The following DISP3 variants were observed in gnomAD, a reference collection of about 807,000 sequenced individuals.
DISP3 encodes protein dispatched homolog 3.
In DISP3, 101 loss-of-function variants were observed where a neutral mutation model predicts 135.3. That is an observed-to-expected ratio of 0.75 (90% CI 0.64 to 0.88). The LOEUF (loss-of-function observed/expected upper bound fraction) is 0.88, where lower values mean the gene tolerates loss of function less well. Ranked by LOEUF, DISP3 falls within the 40% of genes least tolerant of loss-of-function variation. The probability of loss-of-function intolerance (pLI) is 0.00; values close to 1 mark genes in which losing one functional copy is unlikely to be tolerated. For missense variants in DISP3, 1,713 were observed against 1,878.6 expected (o/e 0.91, Z 1.63); for synonymous variants, 856 against 817.0 (o/e 1.05, Z -0.81).
Position 11,501,755 on chromosome 1 carries a change from C to G in DISP3, c.763C>G (p.Arg255Gly). ...GAGCCGTGCCCGCCGAGGCGCCTCG[C>G]GCTGGGACTACTCGCGCGCCTATGT... ...NQSRARRGAS[R>G]WDYSRAYVSA... The change falls in exon 2 of 21, where the codon CGC becomes GGC. Residue 255 changes from arginine to glycine, a missense_variant. By Grantham distance (125) the Arg-to-Gly change is moderately radical (BLOSUM62 -2). Transcript: ENST00000294484. This position sits in a 1 kb window ranked among gnomAD's most constrained non-coding sequence, Gnocchi z 4.9. The G allele has an allele frequency of 1.9e-6, 3 of 1,591,834 alleles. No individual in the cohort carries two copies. Among genetic ancestry groups the G allele is most frequent in the Non-Finnish European group, 2.6e-6 (3 of 1,167,208 alleles).
At chr1:11,484,363 T>G (rs1393122391) in intron 1 of DISP3, among the ~76,000 whole-genome samples, 1 of 152,186 alleles carries the variant, frequency 6.6e-6, no homozygotes, top group Admixed American at 6.5e-5. Context: ...GGTTTGGAAC[T>G]AATGCCAAGG....
Position 11,529,736 on chromosome 1 carries a change from C to A in DISP3, c.2929+50C>A. On this transcript the variant is annotated intron_variant, in intron 14 of 20. Transcript: ENST00000294484. This position sits in a 1 kb window ranked among gnomAD's most constrained non-coding sequence, Gnocchi z 4.7. The stretch of plus-strand genomic sequence containing the variant: ...GACCTCAAGAGCTGAGACCTCGGGG[C>A]TCAGGAGCTGGACCCTGCCTTCCCT... 1 of 1,600,588 alleles carries A rather than the reference C, an allele frequency of 6.2e-7. No individual in the cohort carries two copies. The highest frequency in any genetic ancestry group is 8.5e-7 in the Non-Finnish European group (1 of 1,170,000).
rs1239707523 is a variant in DISP3 at position 11,516,556 on chromosome 1, T to A, written c.1749+395T>A. The stretch of plus-strand genomic sequence containing the variant: ...GACTTCCTCAGGATCACACAGCAGA[T>A]AAGTGAGAAGCCTGACCAAGTCCAT... On this transcript the variant is annotated intron_variant, in intron 6 of 20. Transcript: ENST00000294484. This position sits in a 1 kb window ranked among gnomAD's most constrained non-coding sequence, Gnocchi z 5.1. Among the ~76,000 whole-genome samples the A allele has an allele frequency of 1.3e-5, 2 of 152,194 alleles. No individual in the cohort carries two copies. Among genetic ancestry groups the A allele is most frequent in the Non-Finnish European group, 2.9e-5 (2 of 68,034 alleles).
At chr1:11,479,762 C>A (rs549608603) in intron 1 of DISP3, among the ~76,000 whole-genome samples, 6 of 152,360 alleles carry the variant, frequency 3.9e-5, no homozygotes, top group South Asian at 2.1e-4. Flanking sequence ...TGAAGCCGCC[C>A]TTGGATCGGG....
intron 1 of DISP3, among the ~76,000 whole-genome samples, chr1:11,482,817 C>T (rs866078973): frequency 1.3e-5 from 2 of 152,100 alleles, no homozygotes; most frequent in African/African-American, 2.4e-5. Context: ...CGTTTGAAAT[C>T]GTCTTCTTCT....
chr1:11,495,377 C>T (rs1016997311), intron 1 of DISP3, among the ~76,000 whole-genome samples: 2 of 152,144 alleles, frequency 1.3e-5, no homozygotes, highest in East Asian at 1.9e-4. Flanking sequence ...GGTGACAGAG[C>T]GAGACTCTGT....
At chr1:11,530,801 A>G in intron 15 of DISP3, 106 bp from the exon 16 acceptor site, 5 of 1,444,204 alleles carry the variant, frequency 3.5e-6, no homozygotes, top group Non-Finnish European at 4.8e-6. Flanking sequence ...GGTGACAGGT[A>G]GCAGGAAGCT....
At chr1:11,508,405 A>G (rs2594312) in intron 3 of DISP3, among the ~76,000 whole-genome samples, 136,098 of 151,932 alleles carry the variant, frequency 0.9, 61,205 homozygotes, top group African/African-American at 0.97. Flanking sequence ...GTGGCAGAGC[A>G]AGACCCTGTC....
chr1:11,499,108 C>T lies in DISP3; in HGVS notation c.-3-1882C>T, dbSNP rs769823510. Among the ~76,000 whole-genome samples, 7 of 152,088 alleles carry T rather than the reference C, an allele frequency of 4.6e-5. No individual in the cohort carries two copies. The highest frequency in any genetic ancestry group is 7.4e-5 in the Non-Finnish European group (5 of 67,994). On this transcript the variant is annotated intron_variant, in intron 1 of 20. Transcript: ENST00000294484. This position sits in a 1 kb window ranked among gnomAD's most constrained non-coding sequence, Gnocchi z 5.2. ...TGCATGATGAATTCAATGTGGACCCCTAGGGGACGGGGATGGCATTCCTGG... is the reference window on the plus strand; with the variant it reads ...TGCATGATGAATTCAATGTGGACCCTTAGGGGACGGGGATGGCATTCCTGG...
chr1:11,522,978 GGAGCCCAGCCA>G (rs1451416563), intron 10 of DISP3, among the ~76,000 whole-genome samples: 2 of 67,814 alleles, frequency 2.9e-5, no homozygotes, highest in Non-Finnish European at 5.8e-5. Context: ...GGACCCAGCC[GGAGCCCAGCCA>G]GAGCCCAGCC....
intron 1 of DISP3, among the ~76,000 whole-genome samples, chr1:11,494,798 T>C (rs2100383719): frequency 6.6e-6 from 1 of 152,310 alleles, no homozygotes; most frequent in African/African-American, 2.4e-5. Flanking sequence ...AAGTCAAATC[T>C]CCATGTCTAA....
chr1:11,517,742 C>T, intron 7 of DISP3, 140 bp downstream of exon 7: 1 of 1,166,196 alleles, frequency 8.6e-7, no homozygotes, highest in Non-Finnish European at 1.2e-6. Flanking sequence ...GGAGAAGATG[C>T]TTCCATCCAA....
intron 1 of DISP3, among the ~76,000 whole-genome samples, chr1:11,498,887 A>G (rs1352512778): frequency 3.3e-5 from 5 of 151,998 alleles, no homozygotes; most frequent in Admixed American, 6.6e-5. Flanking sequence ...AAATCTTACA[A>G]TTGGGATTTG....
rs939040324 is a variant in DISP3, at chr1:11,537,054, C to A, written c.*368C>A. On this transcript the variant is annotated 3_prime_UTR_variant, in exon 21 of 21. Coordinates refer to ENST00000294484, the MANE Select transcript of DISP3 (RefSeq NM_020780.2). Reference sequence around the variant, plus strand: ...TTCCAGTGTGGATGTTACAGGGTGGCCCCCATTCTACCGATGTGAAAACTG... The same window carrying A: ...TTCCAGTGTGGATGTTACAGGGTGGACCCCATTCTACCGATGTGAAAACTG... 8 of 221,056 alleles carry A rather than the reference C, an allele frequency of 3.6e-5. No individual in the cohort carries two copies. The highest frequency in any genetic ancestry group is 7.1e-5 in the Non-Finnish European group (8 of 112,140). The allele number at this position is 221,056 out of a possible 1,614,324, so 13.7% of individuals were successfully genotyped here.
rs41274528 is a variant in DISP3, at chr1:11,501,107, G to A, written c.115G>A (p.Gly39Arg). Residue 39 changes from glycine (G) to arginine (R), a missense_variant, in exon 2 of 21, where the codon GGG becomes AGG. Transcript: ENST00000294484. This position sits in a 1 kb window ranked among gnomAD's most constrained non-coding sequence, Gnocchi z 4.9. ...GGCCCAGAAGCCAGGGCCCCAACCT[G>A]GGGCAGGGGGACAGTGTTGCTGGCG... ...LGAQKPGPQP[G>R]AGGQCCWRHW... The A allele has an allele frequency of 0.091, 146,303 of 1,613,808 alleles. 10,523 individuals carry two copies. The highest frequency in any genetic ancestry group is 0.35 in the African/African-American group (26,184 of 74,920).
At chr1:11,502,603 A>C in intron 2 of DISP3, 75 bp from the exon 3 acceptor site, 1 of 1,207,324 alleles carries the variant, frequency 8.3e-7, no homozygotes, top group Non-Finnish European at 1.2e-6. Context: ...CTGCAATGAG[A>C]CTGGATGACC....
At chr1:11,525,092 A>C in intron 11 of DISP3, 84 bp from the exon 12 acceptor site, 7 of 1,524,158 alleles carry the variant, frequency 4.6e-6, no homozygotes, top group South Asian at 1.2e-5. Context: ...GTTAGTCGAC[A>C]GAGCTGAGGG....
intron 3 of DISP3, among the ~76,000 whole-genome samples, chr1:11,510,356 A>G (rs1330310181): frequency 6.6e-6 from 1 of 151,974 alleles, no homozygotes; most frequent in African/African-American, 2.4e-5. Flanking sequence ...TTTAGGGTTT[A>G]TAGTATACAT....
At chr1:11,514,316 A>G (rs1243555372) in intron 3 of DISP3, 74 bp from the exon 4 acceptor site, 4 of 1,491,432 alleles carry the variant, frequency 2.7e-6, no homozygotes, top group Admixed American at 1.7e-5. Context: ...ATACTCCTCT[A>G]CATGTTCACA....
Sources: allele counts gnomAD v4.1 joint callset (sites outside exome capture counted in the v4.1 genomes callset), GRCh38; gene constraint gnomAD v4.1.1; non-coding constraint Gnocchi (gnomAD v3.1); transcripts MANE v1.5; gene names NCBI Gene and HGNC (gene_info 2026-07-23, HGNC 2026-07-21).